The following TWIST2 variants were observed in gnomAD, a reference collection of about 807,000 sequenced individuals.
The protein encoded by TWIST2 is twist family bHLH transcription factor 2, also known as twist-related protein 2.
In TWIST2, 1 loss-of-function variant was observed where a neutral mutation model predicts 11.6. The ratio of observed to expected loss-of-function variants is 0.09; its 90% CI spans 0.03 to 0.41. The LOEUF (loss-of-function observed/expected upper bound fraction) is 0.41. TWIST2 is among the 10% of genes least tolerant of loss of function. The probability of loss-of-function intolerance (pLI) is 0.98; values close to 1 mark genes in which losing one functional copy is unlikely to be tolerated. For missense variants in TWIST2, 168 were observed against 226.4 expected, an observed-to-expected ratio of 0.74 and a Z score of 1.66; for synonymous variants, 87 against 96.6, an observed-to-expected ratio of 0.90 and a Z score of 0.58.
chr2:238,900,750 A>G (rs998140482), intron 1 of TWIST2, among the ~76,000 whole-genome samples: 3,532 of 152,168 alleles, frequency 0.023, 69 homozygotes, highest in Non-Finnish European at 0.04. Context: ...GCCAGCATGC[A>G]TCTGCTGGTT....
Position 238,863,613 on chromosome 2 carries a change from C to T in TWIST2, c.*35+14880C>T, listed in dbSNP as rs892702155. Among the ~76,000 whole-genome samples, 3 of 152,092 alleles carry T rather than the reference C, an allele frequency of 2.0e-5. No individual in the cohort carries two copies. The highest frequency in any genetic ancestry group is 1.3e-4 in the Admixed American group (2 of 15,260). Reference sequence around the variant, plus strand: ...TCTGCCTTTTTTTCACTCCTCTCTACGTAGTTGGGGATATCTGTTGTTAAC... The same window carrying T: ...TCTGCCTTTTTTTCACTCCTCTCTATGTAGTTGGGGATATCTGTTGTTAAC... On this transcript the variant is annotated intron_variant, in intron 1 of 1. Coordinates refer to ENST00000612363, the MANE Select transcript of TWIST2 (RefSeq NM_001271893.4). This position sits in a 1 kb window ranked among gnomAD's most constrained non-coding sequence, Gnocchi z 4.7.
Position 238,906,157 on chromosome 2 carries a change from G to A in TWIST2, c.*36-3685G>A, listed in dbSNP as rs897516584. ...GCTGGGGGTTGGGAGAGGGCTGGGGGTGAAGGAGCGGAACCACACGTCCCC... is the reference window on the plus strand; with the variant it reads ...GCTGGGGGTTGGGAGAGGGCTGGGGATGAAGGAGCGGAACCACACGTCCCC... On this transcript the variant is annotated intron_variant, in intron 1 of 1. Transcript: ENST00000612363. Among the ~76,000 whole-genome samples, 1,067 of 152,160 alleles carry A rather than the reference G, an allele frequency of 7.0e-3. 8 individuals are homozygous for A. Among genetic ancestry groups the A allele is most frequent in the African/African-American group, 0.024 (1,012 of 41,496 alleles).
intron 1 of TWIST2, among the ~76,000 whole-genome samples, chr2:238,862,504 G>A (rs561592307): frequency 6.6e-6 from 1 of 152,244 alleles, no homozygotes; most frequent in African/African-American, 2.4e-5. Context: ...AAATAAAACA[G>A]AAGGATATTA....
chr2:238,859,899 A>G (rs1048480622), intron 1 of TWIST2, among the ~76,000 whole-genome samples: 1 of 152,068 alleles, frequency 6.6e-6, no homozygotes, highest in South Asian at 2.1e-4. Flanking sequence ...AAGCCTCTCC[A>G]CAGTAGACTG....
chr2:238,849,402 C>T (rs1483626610), intron 1 of TWIST2, among the ~76,000 whole-genome samples: 2 of 152,208 alleles, frequency 1.3e-5, no homozygotes, highest in African/African-American at 4.8e-5. Context: ...GCCGGGTGTG[C>T]CCGAGAAGGG....
chr2:238,861,214 C>T (rs553326520), intron 1 of TWIST2, among the ~76,000 whole-genome samples: 2 of 152,336 alleles, frequency 1.3e-5, no homozygotes, highest in East Asian at 3.9e-4. Flanking sequence ...TCAGTCACCG[C>T]CGCAGGGGTT....
At chr2:238,884,322 C>G (rs1338022604) in intron 1 of TWIST2, among the ~76,000 whole-genome samples, 1 of 152,196 alleles carries the variant, frequency 6.6e-6, no homozygotes, top group Admixed American at 6.5e-5. Context: ...GAAGTGAGGT[C>G]CCAGTGAGGC....
chr2:238,898,134 C>G (rs1693226034), intron 1 of TWIST2, among the ~76,000 whole-genome samples: 1 of 152,336 alleles, frequency 6.6e-6, no homozygotes, highest in African/African-American at 2.4e-5. Context: ...GGTCTCAGGG[C>G]CCGGGTGCTG....
intron 1 of TWIST2, among the ~76,000 whole-genome samples, chr2:238,905,734 T>C (rs1693331427): frequency 6.6e-6 from 1 of 152,060 alleles, no homozygotes; most frequent in Non-Finnish European, 1.5e-5. Flanking sequence ...CCCTTATTAA[T>C]TATCTAATTA....
At chr2:238,893,254 C>A (rs1418567683) in intron 1 of TWIST2, among the ~76,000 whole-genome samples, 1 of 152,074 alleles carries the variant, frequency 6.6e-6, no homozygotes, top group Non-Finnish European at 1.5e-5. Flanking sequence ...AAAGACTGCC[C>A]AATAAAACAT....
Position 238,910,493 on chromosome 2 carries a change from G to A in TWIST2, c.*687G>A, listed in dbSNP as rs1009924474. 6.6e-6 allele frequency: 1 copy of A among 152,206 alleles called. No homozygotes were observed. Among genetic ancestry groups the A allele is most frequent in the African/African-American group, 2.4e-5 (1 of 41,432 alleles). 9.4% of individuals were successfully genotyped at this position (152,206 alleles called of 1,614,324 possible). A position where few individuals can be genotyped will look rare whatever the true frequency, so the allele number is the denominator to read the frequency against. The stretch of plus-strand genomic sequence containing the variant: ...AGCTAAGTGACTGCAGTGTGGCTGT[G>A]TATCCTGCTCCCCACCCAGGAAAAA... On this transcript the variant is annotated 3_prime_UTR_variant, in exon 2 of 2. Transcript: ENST00000612363.
intron 1 of TWIST2, among the ~76,000 whole-genome samples, chr2:238,877,645 G>A (rs900059186): frequency 5.3e-5 from 8 of 152,140 alleles, no homozygotes; most frequent in Non-Finnish European, 1.0e-4. Flanking sequence ...GGACTTTTAT[G>A]AAGAAAAATC....
chr2:238,905,585 C>T (rs944699987), intron 1 of TWIST2, among the ~76,000 whole-genome samples: 1 of 152,144 alleles, frequency 6.6e-6, no homozygotes, highest in African/African-American at 2.4e-5. Flanking sequence ...GGCCAGGGAA[C>T]GGCCCCTGTC....
At chr2:238,887,871 G>C (rs1693069722) in intron 1 of TWIST2, among the ~76,000 whole-genome samples, 1 of 152,230 alleles carries the variant, frequency 6.6e-6, no homozygotes, top group African/African-American at 2.4e-5. Context: ...CTGAGATTCA[G>C]GGGCTTCTTT....
At chr2:238,868,642 T>A (rs1692587650) in intron 1 of TWIST2, among the ~76,000 whole-genome samples, 3 of 152,188 alleles carry the variant, frequency 2.0e-5, no homozygotes, top group Admixed American at 6.5e-5. Flanking sequence ...TGTGACTGTG[T>A]CTGTGGGACA....
At chr2:238,901,676 G>T (rs1198998792) in intron 1 of TWIST2, among the ~76,000 whole-genome samples, 1 of 152,168 alleles carries the variant, frequency 6.6e-6, no homozygotes, top group Non-Finnish European at 1.5e-5. Context: ...GTGTCTGAGG[G>T]GTCAGGAGGC....
chr2:238,848,811 C>G, intron 1 of TWIST2, 78 bp downstream of exon 1: 7 of 1,159,794 alleles, frequency 6.0e-6, no homozygotes, highest in Non-Finnish European at 7.6e-6. Context: ...GGGGCCTGCT[C>G]GTGTCTCCTC....
At chr2:238,855,018 C>T (rs1297669918) in intron 1 of TWIST2, among the ~76,000 whole-genome samples, 1 of 152,180 alleles carries the variant, frequency 6.6e-6, no homozygotes, top group South Asian at 2.1e-4. Flanking sequence ...TGGCTGCCTG[C>T]GTGGACTCCC....
intron 1 of TWIST2, among the ~76,000 whole-genome samples, chr2:238,893,433 G>A (rs1279635098): frequency 6.6e-6 from 1 of 152,138 alleles, no homozygotes; most frequent in African/African-American, 2.4e-5. Flanking sequence ...ATTGTTCAAG[G>A]GAGACAGTCC....
Sources: gnomAD v4.1 joint callset for allele counts (sites outside exome capture counted in the v4.1 genomes callset) on GRCh38, gnomAD v4.1.1 for gene constraint, Gnocchi (gnomAD v3.1) non-coding constraint, MANE v1.5 for transcripts, NCBI Gene and HGNC (gene_info 2026-07-23, HGNC 2026-07-21) for gene names.